The following PLEKHA6 variants were observed in gnomAD, a reference collection of about 807,000 sequenced individuals.
PLEKHA6 encodes pleckstrin homology domain containing A6, also known as pleckstrin homology domain-containing family A member 6.
PLEKHA6 carries 60 observed loss-of-function variants against 116.7 expected under a neutral mutation model. The observed-to-expected ratio is 0.51, with a 90% CI of 0.42 to 0.64. PLEKHA6 has a LOEUF of 0.64. Among genes scored for constraint, PLEKHA6 ranks in the 30% least tolerant of loss-of-function variants. The pLI is 0.00. For missense variants in PLEKHA6, 1,338 were observed against 1,422.7 expected (o/e 0.94, Z 0.96); for synonymous variants, 489 against 556.1 (o/e 0.88, Z 1.70).
At chr1:204,311,767 ACT>A in intron 1 of PLEKHA6, 1 of 601,926 alleles carries the variant, frequency 1.7e-6, no homozygotes, top group South Asian at 7.4e-5. Context: ...CTAAGATTAC[ACT>A]CTAAAGGGAA....
At chr1:204,358,011 G>A (rs147196284) in intron 1 of PLEKHA6, among the ~76,000 whole-genome samples, 1 of 152,176 alleles carries the variant, frequency 6.6e-6, no homozygotes, top group African/African-American at 2.4e-5. Flanking sequence ...AAGGCGTCCT[G>A]CACCATCACC....
rs141372718 is a variant in PLEKHA6, at chr1:204,314,940, G to C, written c.-94-40131C>G. Among the ~76,000 whole-genome samples, 25 of 152,236 alleles carry C rather than the reference G, an allele frequency of 1.6e-4. 1 individual carries two copies. Among genetic ancestry groups the C allele is most frequent in the Non-Finnish European group, 3.1e-4 (21 of 68,010 alleles). On this transcript the variant is annotated intron_variant, in intron 1 of 22. Coordinates refer to ENST00000272203, the MANE Select transcript of PLEKHA6 (RefSeq NM_014935.5). ...CCCTAGAGGTATCAATGTAGGCCTC[G>C]GTGCCCTCATGTGATCCAGAGCTCT...
rs996671315 is a variant in PLEKHA6 at position 204,261,992 on chromosome 1, G to A, written c.382-544C>T. 1.9e-4 allele frequency: 30 copies of A among 158,054 alleles called. No homozygotes were observed. Among genetic ancestry groups the A allele is most frequent in the Admixed American group, 1.1e-3 (18 of 15,824 alleles). 9.8% of individuals were successfully genotyped at this position (158,054 alleles called of 1,614,324 possible). A position where few individuals can be genotyped will look rare whatever the true frequency, so the allele number is the denominator to read the frequency against. ...GTGGCTGCGAGCAGGTACTGCGGGC[G>A]GGAACCCAGAAGAGAGCTCCTGTCC... On this transcript the variant is annotated intron_variant, in intron 6 of 22. Transcript: ENST00000272203. The surrounding 1 kb of genome is among the most constrained non-coding windows in gnomAD (Gnocchi z 4.0).
intron 1 of PLEKHA6, among the ~76,000 whole-genome samples, chr1:204,324,699 A>G (rs1672182471): frequency 6.6e-6 from 1 of 152,196 alleles, no homozygotes; most frequent in Admixed American, 6.5e-5. Context: ...GCTGAATTGG[A>G]AGTCGATTAG....
chr1:204,356,856 T>A (rs1445944629), intron 1 of PLEKHA6, among the ~76,000 whole-genome samples: 1 of 152,194 alleles, frequency 6.6e-6, no homozygotes, highest in Non-Finnish European at 1.5e-5. Flanking sequence ...GAATAGTAAT[T>A]CTTTTAATGT....
At chr1:204,359,206 A>G (rs1313347993) in intron 1 of PLEKHA6, among the ~76,000 whole-genome samples, 4 of 151,480 alleles carry the variant, frequency 2.6e-5, no homozygotes, top group African/African-American at 9.7e-5. Flanking sequence ...CTTCGACCCA[A>G]CCTCTGACTC....
chr1:204,261,652 C>G lies in PLEKHA6; in HGVS notation c.382-204G>C, dbSNP rs540268691. On this transcript the variant is annotated intron_variant, in intron 6 of 22. Transcript: ENST00000272203. The surrounding 1 kb of genome is among the most constrained non-coding windows in gnomAD (Gnocchi z 4.0). ...CCCCGAGGGTTCCAGCTGGTACCCA[C>G]GTATCCACCTTGGCTGGCTCTCTGG... The G allele has an allele frequency of 7.5e-5, 44 of 586,200 alleles. No homozygotes were observed. The highest frequency in any genetic ancestry group is 1.1e-4 in the Non-Finnish European group (38 of 335,320). 36.3% of individuals were successfully genotyped at this position (586,200 alleles called of 1,614,324 possible).
In PLEKHA6 at chr1:204,345,041, G is replaced by A. The variant is rs192662538; in HGVS notation, c.-95+14653C>T. 2.6e-5 allele frequency among the ~76,000 whole-genome samples: 4 copies of A among 152,296 alleles called. No individual in the cohort carries two copies. The East Asian group carries it at 7.7e-4, about 29-fold the overall frequency. On this transcript the variant is annotated intron_variant, in intron 1 of 22. Transcript: ENST00000272203. ...ACTCTTTCAAGATATTGTGTTAATT[G>A]CTGTGGGGAGATACACATTTATCGG... is the stretch of plus-strand genomic sequence containing the variant.
intron 1 of PLEKHA6, among the ~76,000 whole-genome samples, chr1:204,312,660 T>G (rs1356180401): frequency 6.6e-6 from 1 of 152,176 alleles, no homozygotes; most frequent in African/African-American, 2.4e-5. Context: ...CCACAGGACC[T>G]CTTTACCCAT....
intron 21 of PLEKHA6, 140 bp downstream of exon 21, chr1:204,227,943 C>T (rs944765530): frequency 3.4e-6 from 3 of 879,400 alleles, no homozygotes; most frequent in Non-Finnish European, 5.1e-6. Context: ...TCAACAGATG[C>T]TCGTCTCAAC....
At chr1:204,246,145 G>A (rs192217982) in intron 13 of PLEKHA6, among the ~76,000 whole-genome samples, 14 of 152,272 alleles carry the variant, frequency 9.2e-5, no homozygotes, top group Non-Finnish European at 1.5e-4. Flanking sequence ...CCCAGCGTAC[G>A]CCTGAAGAGT....
At chr1:204,354,788 A>AAG (rs996431816) in intron 1 of PLEKHA6, among the ~76,000 whole-genome samples, 14 of 152,248 alleles carry the variant, frequency 9.2e-5, no homozygotes, top group Admixed American at 6.5e-4. Flanking sequence ...CTACTTTAGA[A>AAG]AGTGCAAAGA....
intron 1 of PLEKHA6, among the ~76,000 whole-genome samples, chr1:204,351,313 C>T (rs766281561): frequency 6.6e-6 from 1 of 152,202 alleles, no homozygotes; most frequent in East Asian, 1.9e-4. Flanking sequence ...TGGGCATGAA[C>T]CACAAGCCGT....
chr1:204,235,760 CTT>C (rs1338021143), intron 17 of PLEKHA6, among the ~76,000 whole-genome samples: 2 of 152,154 alleles, frequency 1.3e-5, no homozygotes, highest in African/African-American at 4.8e-5. Flanking sequence ...TCTTATGAAC[CTT>C]TTTTTGCCAG....
intron 1 of PLEKHA6, among the ~76,000 whole-genome samples, chr1:204,353,433 ACTGCC>A (rs1673337092): frequency 6.6e-6 from 1 of 152,226 alleles, no homozygotes. Flanking sequence ...TGTGCTAAGT[ACTGCC>A]CTGTAATCAC....
At chr1:204,364,560 C>T (rs1330337902), upstream of PLEKHA6, among the ~76,000 whole-genome samples, 1 of 152,204 alleles carries the variant, frequency 6.6e-6, no homozygotes, top group Non-Finnish European at 1.5e-5. Flanking sequence ...TCATAAAGCA[C>T]TTAGCTCCTA....
intron 9 of PLEKHA6, among the ~76,000 whole-genome samples, chr1:204,250,997 G>C (rs1225360939): frequency 6.6e-6 from 1 of 152,224 alleles, no homozygotes; most frequent in African/African-American, 2.4e-5. Flanking sequence ...TTAAGACATA[G>C]GGGAATGGTC....
intron 1 of PLEKHA6, among the ~76,000 whole-genome samples, chr1:204,291,034 C>T (rs548836293): frequency 5.5e-5 from 2 of 36,664 alleles, no homozygotes; most frequent in South Asian, 1.8e-3. Context: ...AAAAAGTAAG[C>T]CATAAACAGA....
chr1:204,283,897 T>C (rs1487010352), intron 1 of PLEKHA6, among the ~76,000 whole-genome samples: 1 of 152,190 alleles, frequency 6.6e-6, no homozygotes, highest in Non-Finnish European at 1.5e-5. Context: ...CCTTTATTGC[T>C]GTGCCCCTGC....
Sources: gnomAD v4.1 joint callset for allele counts (sites outside exome capture counted in the v4.1 genomes callset) on GRCh38, gnomAD v4.1.1 for gene constraint, Gnocchi (gnomAD v3.1) non-coding constraint, MANE v1.5 for transcripts, NCBI Gene and HGNC (gene_info 2026-07-23, HGNC 2026-07-21) for gene names.